NRN1L: variants seen among roughly 807,000 people sequenced by gnomAD.
NRN1L encodes neuritin 1 like, also known as neuritin-like protein.
A neutral mutation model predicts 8.8 loss-of-function variants in NRN1L; 12 were observed. The ratio of observed to expected loss-of-function variants is 1.36; its 90% CI spans 0.87 to 2.20. The LOEUF (loss-of-function observed/expected upper bound fraction) is 2.20. Among genes scored for constraint, NRN1L ranks in the 30% most tolerant of loss-of-function variants. NRN1L has a pLI of 0.00. For missense variants in NRN1L, 266 were observed against 232.4 expected (o/e 1.14, Z -0.94); for synonymous variants, 114 against 99.2 (o/e 1.15, Z -0.88).
chr16:67,886,789 G>C (rs1259261689), downstream of NRN1L, among the ~76,000 whole-genome samples: 2 of 152,166 alleles, frequency 1.3e-5, no homozygotes, highest in Non-Finnish European at 2.9e-5. Context: ...CTCTCTGCCT[G>C]TCACCTCAGC....
At chr16:67,885,693 T>TCGC in intron 1 of NRN1L, 29 bp from the exon 2 acceptor site, 19 of 1,257,202 alleles carry the variant, frequency 1.5e-5, no homozygotes, top group East Asian at 2.6e-5. Context: ...TACCATTCCT[T>TCGC]CCCCACCCCA....
chr16:67,885,895 ATTGGGGACTGAACCTTT>A (rs1812787326), intron 2 of NRN1L, 41 bp downstream of exon 2: 1 of 1,575,892 alleles, frequency 6.3e-7, no homozygotes, highest in African/African-American at 1.3e-5. Context: ...CTGTGCCACC[ATTGGGGACTGAACCTTT>A]TATTTCCCAA....
In NRN1L at chr16:67,884,976, C is replaced by T. The variant is rs1159787390; in HGVS notation, c.73C>T (p.Pro25Ser). 1 of 1,607,808 alleles carries T rather than the reference C, an allele frequency of 6.2e-7. No homozygotes were observed. Among genetic ancestry groups the T allele is most frequent in the Non-Finnish European group, 8.5e-7 (1 of 1,179,562 alleles). Residue 25 changes from proline to serine, a missense_variant, in exon 1 of 3, where the codon CCC becomes TCC. Physicochemically the swap from Pro to Ser is moderately conservative, Grantham distance 74. Transcript: ENST00000339176. This position sits in a 1 kb window ranked among gnomAD's most constrained non-coding sequence, Gnocchi z 4.1. The stretch of plus-strand genomic sequence containing the variant: ...TGCCCTGAGGCCGTTGCTGTTGCTG[C>T]CCCTCGGTGAGTGCGGGCATCCGGG... ...PHALRPLLLLPLVLLPPLAAA... is the reference protein window; with the variant it reads ...PHALRPLLLLSLVLLPPLAAA...
chr16:67,886,107 G>A lies in NRN1L; in HGVS notation c.346G>A (p.Gly116Ser), dbSNP rs776602904. The part of the protein sequence containing the change: ...PRPNNLHTLC[G>S]APVHVRERGT... ...TCCGAATAACTTGCACACTCTGTGC[G>A]GTGCCCCGGTGCATGTTCGGGAGCG... The change falls in exon 3 of 3, where the codon GGT becomes AGT. Residue 116 changes from glycine to serine, a missense_variant. By Grantham distance (56) the Gly-to-Ser change is moderately conservative (BLOSUM62 0). Coordinates refer to ENST00000339176, the MANE Select transcript of NRN1L (RefSeq NM_198443.2). The A allele has an allele frequency of 6.2e-6, 10 of 1,612,812 alleles. No homozygotes were observed. The highest frequency in any genetic ancestry group is 1.7e-5 in the Admixed American group (1 of 59,852).
intron 1 of NRN1L, 26 bp from the exon 2 acceptor site, chr16:67,885,696 C>A: frequency 8.4e-7 from 1 of 1,186,636 alleles, no homozygotes; most frequent in Non-Finnish European, 1.2e-6. Context: ...CATTCCTTCC[C>A]CACCCCACCC....
At chr16:67,887,712 A>G (rs1235915255), downstream of NRN1L, among the ~76,000 whole-genome samples, 2 of 151,458 alleles carry the variant, frequency 1.3e-5, no homozygotes, top group Non-Finnish European at 2.9e-5. Context: ...CCTTCCGAGT[A>G]GCTTGGACTA....
intron 1 of NRN1L, 48 bp from the exon 2 acceptor site, chr16:67,885,674 C>G (rs770346589): frequency 6.9e-7 from 1 of 1,443,624 alleles, no homozygotes; most frequent in East Asian, 2.3e-5. Flanking sequence ...GAGCCTGGCT[C>G]ATCCTATCTA....
intron 1 of NRN1L, 162 bp downstream of exon 1, chr16:67,885,144 A>G (rs1031688800): frequency 1.6e-6 from 1 of 628,486 alleles, no homozygotes; most frequent in Non-Finnish European, 2.8e-6. Context: ...GAGAGGCACA[A>G]ACAGCCCCAG....
chr16:67,885,836 A>C lies in NRN1L; in HGVS notation c.194A>C (p.Glu65Ala). 6.3e-7 allele frequency: 1 copy of C among 1,576,938 alleles called. No individual in the cohort carries two copies. The highest frequency in any genetic ancestry group is 8.6e-7 in the Non-Finnish European group (1 of 1,162,048). Residue 65 changes from glutamate to alanine, a missense_variant, in exon 2 of 3, where the codon GAG (glutamate) becomes GCG (alanine). Coordinates refer to ENST00000339176, the MANE Select transcript of NRN1L (RefSeq NM_198443.2). Reference protein sequence around the residue: ...RLGDSMGRGGELETICRSWND... With the variant: ...RLGDSMGRGGALETICRSWND... Reference sequence around the variant, plus strand: ...GGGGACAGCATGGGCCGCGGAGGCGAGCTGGAGACCATCTGCAGGTACCGG... The same window carrying C: ...GGGGACAGCATGGGCCGCGGAGGCGCGCTGGAGACCATCTGCAGGTACCGG...
In NRN1L at chr16:67,885,713, C is replaced by CCCAAA; in HGVS notation, c.80-9_80-8insCCAAA. The CCCAAA allele has an allele frequency of 2.0e-6, 3 of 1,509,774 alleles. No individual in the cohort carries two copies. Among genetic ancestry groups the CCCAAA allele is most frequent in the Non-Finnish European group, 1.8e-6 (2 of 1,104,152 alleles). 93.5% of individuals were successfully genotyped at this position (1,509,774 alleles called of 1,614,324 possible). Reference sequence around the variant, plus strand: ...TTCCTTCCCCACCCCACCCCCGCCCCACTTCTAGTCCTTTTACCTCCCCTG... The same window carrying CCCAAA: ...TTCCTTCCCCACCCCACCCCCGCCCCCCAAAACTTCTAGTCCTTTTACCTCCCCTG... On this transcript the variant is annotated splice_polypyrimidine_tract_variant and intron_variant, in intron 1 of 2. Coordinates refer to ENST00000339176, the MANE Select transcript of NRN1L (RefSeq NM_198443.2).
Position 67,885,704 on chromosome 16 carries a change from C to CCCCCCCCCCCCCG in NRN1L, c.80-14_80-13insCCCCCCCCGCCCC. 1.5e-6 allele frequency: 2 copies of CCCCCCCCCCCCCG among 1,306,066 alleles called. No homozygotes were observed. The highest frequency in any genetic ancestry group is 2.1e-6 in the Non-Finnish European group (2 of 935,632). 80.9% of individuals were successfully genotyped at this position (1,306,066 alleles called of 1,614,324 possible). On this transcript the variant is annotated splice_polypyrimidine_tract_variant and intron_variant, in intron 1 of 2. Coordinates refer to ENST00000339176, the MANE Select transcript of NRN1L (RefSeq NM_198443.2). Reference sequence around the variant, plus strand: ...TATCTACCATTCCTTCCCCACCCCACCCCCGCCCCACTTCTAGTCCTTTTA... The same window carrying CCCCCCCCCCCCCG: ...TATCTACCATTCCTTCCCCACCCCACCCCCCCCCCCCCGCCCCGCCCCACTTCTAGTCCTTTTA...
At chr16:67,886,966 G>C (rs1050237927), downstream of NRN1L, among the ~76,000 whole-genome samples, 4 of 152,196 alleles carry the variant, frequency 2.6e-5, no homozygotes, top group African/African-American at 9.6e-5. Context: ...GGTTCCTCTG[G>C]CCTCTGCTCT....
chr16:67,885,764 G>T lies in NRN1L; in HGVS notation c.122G>T (p.Arg41Leu), dbSNP rs774883844. 3.7e-6 allele frequency: 5 copies of T among 1,365,720 alleles called. No individual in the cohort carries two copies. The highest frequency in any genetic ancestry group is 2.0e-5 in the Admixed American group (1 of 50,772). 84.6% of individuals were successfully genotyped at this position (1,365,720 alleles called of 1,614,324 possible). The change falls in exon 2 of 3, where the codon CGA becomes CTA. Residue 41 changes from arginine (R) to leucine (L), a missense_variant. Physicochemically the swap from Arg to Leu is moderately radical, Grantham distance 102. Transcript: ENST00000339176. Reference sequence around the variant, plus strand: ...GCAGCAGCTGCAGCGGGCCCAAACCGATGTGACACCATATACCAGGGCTTC... The same window carrying T: ...GCAGCAGCTGCAGCGGGCCCAAACCTATGTGACACCATATACCAGGGCTTC... ...PLAAAAAGPN[R>L]CDTIYQGFAE...
Position 67,886,206 on chromosome 16 carries a change from C to T in NRN1L, c.445C>T (p.Pro149Ser), listed in dbSNP as rs75791623. ...TGCACTCCCCATGGCCCCTGCGCCC[C>T]CACTGCTGGCGGCTGCTCTGGCTCT... ...APALPMAPAP[P>S]LLAAALALAY... Residue 149 changes from proline to serine, a missense_variant, in exon 3 of 3, where the codon CCA (proline) becomes TCA (serine). By Grantham distance (74) the Pro-to-Ser change is moderately conservative (BLOSUM62 -1). Transcript: ENST00000339176. 1,744 of 1,601,522 alleles carry T rather than the reference C, an allele frequency of 1.1e-3. 21 individuals carry two copies. In the African/African-American group the frequency reaches 0.021, roughly 19 times the overall value.
Position 67,885,713 on chromosome 16 carries a change from C to CCCCCCCCAAAA in NRN1L, c.80-9_80-8insCCCCCCCAAAA. 6.6e-7 allele frequency: 1 copy of CCCCCCCCAAAA among 1,509,818 alleles called. No homozygotes were observed. Among genetic ancestry groups the CCCCCCCCAAAA allele is most frequent in the Non-Finnish European group, 9.1e-7 (1 of 1,104,186 alleles). 93.5% of individuals were successfully genotyped at this position (1,509,818 alleles called of 1,614,324 possible). Reference sequence around the variant, plus strand: ...TTCCTTCCCCACCCCACCCCCGCCCCACTTCTAGTCCTTTTACCTCCCCTG... The same window carrying CCCCCCCCAAAA: ...TTCCTTCCCCACCCCACCCCCGCCCCCCCCCCCAAAAACTTCTAGTCCTTTTACCTCCCCTG... On this transcript the variant is annotated splice_polypyrimidine_tract_variant and intron_variant, in intron 1 of 2. Coordinates refer to ENST00000339176, the MANE Select transcript of NRN1L (RefSeq NM_198443.2).
chr16:67,885,693 T>TCC (rs1264749881), intron 1 of NRN1L, 29 bp from the exon 2 acceptor site: 64 of 1,257,186 alleles, frequency 5.1e-5, no homozygotes, highest in Non-Finnish European at 5.9e-5. Flanking sequence ...TACCATTCCT[T>TCC]CCCCACCCCA....
chr16:67,886,365 T>C lies in NRN1L; in HGVS notation c.*106T>C. On this transcript the variant is annotated 3_prime_UTR_variant, in exon 3 of 3. Transcript: ENST00000339176. ...GCTTTTCATTAAAGGTATTTATATTTGTAGTAAGCTCCTTCCTTTCTCCTG... is the reference window on the plus strand; with the variant it reads ...GCTTTTCATTAAAGGTATTTATATTCGTAGTAAGCTCCTTCCTTTCTCCTG... 1 of 1,023,354 alleles carries C rather than the reference T, an allele frequency of 9.8e-7. No homozygotes were observed. The highest frequency in any genetic ancestry group is 1.4e-6 in the Non-Finnish European group (1 of 724,320). 63.4% of individuals were successfully genotyped at this position (1,023,354 alleles called of 1,614,324 possible).
At chr16:67,885,687 A>T in intron 1 of NRN1L, 35 bp from the exon 2 acceptor site, 1 of 1,400,592 alleles carries the variant, frequency 7.1e-7, no homozygotes, top group Non-Finnish European at 9.7e-7. Context: ...CCTATCTACC[A>T]TTCCTTCCCC....
chr16:67,886,630 C>A (rs77523695), downstream of NRN1L, among the ~76,000 whole-genome samples: 4,897 of 152,216 alleles, frequency 0.032, 213 homozygotes, highest in African/African-American at 0.1. Context: ...GGGTTGAGAT[C>A]GGGAGGGTGG....
Sources: gnomAD v4.1 joint callset for allele counts (sites outside exome capture counted in the v4.1 genomes callset) on GRCh38, gnomAD v4.1.1 for gene constraint, Gnocchi (gnomAD v3.1) non-coding constraint, MANE v1.5 for transcripts, NCBI Gene and HGNC (gene_info 2026-07-23, HGNC 2026-07-21) for gene names.